The following MAP3K19 variants were observed in gnomAD, a reference collection of about 807,000 sequenced individuals.
MAP3K19 encodes mitogen-activated protein kinase kinase kinase 19.
Under a neutral mutation model 114.4 loss-of-function variants are expected in MAP3K19, and 91 were observed. The observed-to-expected ratio is 0.80, with a 90% CI of 0.67 to 0.95. The LOEUF is 0.95. Ranked by LOEUF, MAP3K19 falls within the 40% of genes least tolerant of loss-of-function variation. The probability of loss-of-function intolerance (pLI) is 0.00; values close to 1 mark genes in which losing one functional copy is unlikely to be tolerated. For missense variants in MAP3K19, 1,471 were observed against 1,573.2 expected (o/e 0.94, Z 1.10); for synonymous variants, 518 against 530.5 (o/e 0.98, Z 0.32).
chr2:134,988,867 C>G (rs1685362260), intron 9 of MAP3K19, among the ~76,000 whole-genome samples: 1 of 152,090 alleles, frequency 6.6e-6, no homozygotes, highest in African/African-American at 2.4e-5. Flanking sequence ...TTTTATTTCT[C>G]TTCTTTTTTC....
chr2:134,965,397 T>G (rs1683263502), intron 12 of MAP3K19, among the ~76,000 whole-genome samples: 1 of 152,268 alleles, frequency 6.6e-6, no homozygotes, highest in African/African-American at 2.4e-5. Context: ...AATCCCGTTT[T>G]GGGCACTCCT....
At chr2:134,973,751 C>A (rs1684033841) in intron 12 of MAP3K19, among the ~76,000 whole-genome samples, 1 of 152,090 alleles carries the variant, frequency 6.6e-6, no homozygotes. Flanking sequence ...TTCTCTACCT[C>A]TTTTGTGTGG....
intron 2 of MAP3K19, among the ~76,000 whole-genome samples, chr2:135,031,675 C>T (rs575598721): frequency 1.3e-5 from 2 of 152,242 alleles, no homozygotes; most frequent in South Asian, 2.1e-4. Flanking sequence ...AGTGGGGAAC[C>T]AGGGAGAGGA....
Position 134,980,830 on chromosome 2 carries a change from C to G in MAP3K19, c.3911G>C (p.Cys1304Ser). Residue 1304 changes from cysteine to serine, a missense_variant, in exon 12 of 13, where the codon TGC becomes TCC. Transcript: ENST00000392915. ...GCTTTCAGTTTCTTACCTGGTCAGGCACATGCGCACAAAGTCTGCTGCATT... is the reference window on the plus strand; with the variant it reads ...GCTTTCAGTTTCTTACCTGGTCAGGGACATGCGCACAAAGTCTGCTGCATT... ...SENAADFVRMCLTRDQHERPS... is the reference protein window; with the variant it reads ...SENAADFVRMSLTRDQHERPS... 6.2e-7 allele frequency: 1 copy of G among 1,612,736 alleles called. No individual in the cohort carries two copies. The highest frequency in any genetic ancestry group is 8.5e-7 in the Non-Finnish European group (1 of 1,178,772).
At chr2:135,005,603 T>C (rs1686758160) in intron 5 of MAP3K19, 72 bp from the exon 6 acceptor site, 3 of 1,137,888 alleles carry the variant, frequency 2.6e-6, no homozygotes. Context: ...GAGTGAATGT[T>C]GATTTTTCTG....
chr2:135,009,118 ATTTTTTTTTT>A (rs59038927), intron 5 of MAP3K19, among the ~76,000 whole-genome samples: 1 of 136,714 alleles, frequency 7.3e-6, no homozygotes, highest in African/African-American at 2.7e-5. Flanking sequence ...TGCCTGGCTA[ATTTTTTTTTT>A]TTTTTTTTGT....
intron 12 of MAP3K19, among the ~76,000 whole-genome samples, chr2:134,975,904 A>G (rs957679711): frequency 2.7e-4 from 41 of 152,304 alleles, no homozygotes; most frequent in African/African-American, 9.9e-4. Context: ...CTGCTGCTAG[A>G]AAGGGTGGGG....
chr2:135,036,036 G>A (rs1053275356), intron 2 of MAP3K19, among the ~76,000 whole-genome samples: 1 of 152,024 alleles, frequency 6.6e-6, no homozygotes, highest in Non-Finnish European at 1.5e-5. Context: ...GTTTCTCCAT[G>A]TTGGTCAGGC....
chr2:134,996,271 C>CTTTTTT (rs61265758), intron 8 of MAP3K19, among the ~76,000 whole-genome samples: 4 of 125,808 alleles, frequency 3.2e-5, no homozygotes, highest in African/African-American at 8.9e-5. Context: ...CTTCTTATTT[C>CTTTTTT]TTTTTTTTTT....
intron 5 of MAP3K19, among the ~76,000 whole-genome samples, chr2:135,016,269 T>C (rs1250824149): frequency 6.6e-6 from 1 of 152,204 alleles, no homozygotes; most frequent in African/African-American, 2.4e-5. Flanking sequence ...TGCATATTGT[T>C]TTGTATATGA....
chr2:135,039,419 C>CAA (rs56987983), intron 2 of MAP3K19, among the ~76,000 whole-genome samples: 34,843 of 140,396 alleles, frequency 0.25, 5,260 homozygotes, highest in African/African-American at 0.41. Flanking sequence ...CCCATGTCTC[C>CAA]AAAAAAAAAA....
At chr2:134,984,044 T>C (rs1017876201) in intron 10 of MAP3K19, among the ~76,000 whole-genome samples, 29 of 152,250 alleles carry the variant, frequency 1.9e-4, no homozygotes, top group Admixed American at 1.4e-3. Context: ...CACATCTTGC[T>C]CTGCATATTT....
chr2:134,997,817 C>CAA lies in MAP3K19; in HGVS notation c.574+919_574+920dup, dbSNP rs1187957592. ...CTGGTGACAGAGCGAGACTCCGTCT[C>CAA]AAAAAAAAAAAAACTTTAAGCACTG... On this transcript the variant is annotated intron_variant, in intron 8 of 12. Coordinates refer to ENST00000392915, the MANE Select transcript of MAP3K19 (RefSeq NM_025052.5). Among the ~76,000 whole-genome samples, 47 of 90,994 alleles carry CAA rather than the reference C, an allele frequency of 5.2e-4. 8 individuals are homozygous for CAA. Among genetic ancestry groups the CAA allele is most frequent in the Middle Eastern group, 0.02 (2 of 102 alleles). The allele number at this position is 90,994 out of a possible 152,430, so 59.7% of individuals were successfully genotyped here.
intron 12 of MAP3K19, among the ~76,000 whole-genome samples, chr2:134,966,798 C>T (rs1042702317): frequency 1.3e-5 from 2 of 152,286 alleles, no homozygotes; most frequent in South Asian, 2.1e-4. Flanking sequence ...GCCTCGAGGA[C>T]GGAGTCTGAG....
intron 12 of MAP3K19, among the ~76,000 whole-genome samples, chr2:134,971,793 T>G (rs1683898104): frequency 6.6e-6 from 1 of 151,972 alleles, no homozygotes; most frequent in South Asian, 2.1e-4. Context: ...TTTATTTCAG[T>G]CATCTCTCTT....
intron 12 of MAP3K19, among the ~76,000 whole-genome samples, chr2:134,973,872 G>T (rs1045479398): frequency 1.3e-5 from 2 of 152,154 alleles, no homozygotes; most frequent in African/African-American, 4.8e-5. Flanking sequence ...GCCACTAATG[G>T]TGATGAAGTC....
Position 134,999,573 on chromosome 2 carries a change from G to GAACACAGA in MAP3K19, c.314+363_314+364insTCTGTGTT. Among the ~76,000 whole-genome samples, 1 of 152,246 alleles carries GAACACAGA rather than the reference G, an allele frequency of 6.6e-6. No homozygotes were observed. The highest frequency in any genetic ancestry group is 1.9e-4 in the East Asian group (1 of 5,180). On this transcript the variant is annotated intron_variant, in intron 7 of 12. Transcript: ENST00000392915. This position sits in a 1 kb window ranked among gnomAD's most constrained non-coding sequence, Gnocchi z 4.1. ...TGACCTCATCATGGACTAGTAACAG[G>GAACACAGA]ACCACAGAACCACATTCTAAGTAGC...
In MAP3K19 at chr2:134,999,944, CT is replaced by C; in HGVS notation, c.306del (p.Glu103LysfsTer4). 6.2e-7 allele frequency: 1 copy of C among 1,604,108 alleles called. No individual in the cohort carries two copies. Among genetic ancestry groups the C allele is most frequent in the Non-Finnish European group, 8.5e-7 (1 of 1,171,020 alleles). ...TCAAAGAATATTCCTTACTTCTTTT[CT>C]TTTAAGTCTTCTTGGCTCATTTCTT... ...PPQEMSQEDL[K>X]EKNLINSSLQ... On this transcript the variant is annotated frameshift_variant, in exon 7 of 13. Transcript: ENST00000392915. LOFTEE classifies it high-confidence loss of function. The surrounding 1 kb of genome is among the most constrained non-coding windows in gnomAD (Gnocchi z 4.1).
rs56015131 is a variant in MAP3K19 at position 134,986,583 on chromosome 2, T to C, written c.2289A>G (p.Ser763=). The change falls in exon 10 of 13, where the codon TCA becomes TCG. Residue 763 remains serine, a synonymous_variant. Coordinates refer to ENST00000392915, the MANE Select transcript of MAP3K19 (RefSeq NM_025052.5). ...AAGACTTTATCTGCCAGTCTGGTTC[T>C]GAAATACCATCACCATTTTCAATGT... ...LHDIENGDGI[S]EPDWQIKSSG... is the part of the protein sequence containing the mutation. 1.9e-5 allele frequency: 30 copies of C among 1,614,114 alleles called. No homozygotes were observed. In the East Asian group the frequency reaches 6.5e-4, roughly 35 times the overall value.
Sources: gnomAD v4.1 joint callset for allele counts (sites outside exome capture counted in the v4.1 genomes callset) on GRCh38, gnomAD v4.1.1 for gene constraint, Gnocchi (gnomAD v3.1) non-coding constraint, MANE v1.5 for transcripts, NCBI Gene and HGNC (gene_info 2026-07-23, HGNC 2026-07-21) for gene names.